FMO5: variants seen among roughly 807,000 people sequenced by gnomAD.
FMO5 encodes flavin containing dimethylaniline monoxygenase 5.
A neutral mutation model predicts 43.6 loss-of-function variants in FMO5; 51 were observed. That is an observed-to-expected ratio of 1.17 (90% CI 0.93 to 1.48). The LOEUF is 1.48. FMO5 is among the 40% of genes most tolerant of loss of function. The pLI is 0.00. For synonymous variants in FMO5, 187 were observed against 216.5 expected (o/e 0.86, Z 1.20); for missense variants, 644 against 643.0 (o/e 1.00, Z -0.02).
intron 2 of FMO5, among the ~76,000 whole-genome samples, chr1:147,216,543 A>G (rs1272218863): frequency 6.6e-5 from 10 of 152,208 alleles, no homozygotes; most frequent in Non-Finnish European, 1.3e-4. Flanking sequence ...TAAAATGTAT[A>G]TGAAACTCCT....
intron 2 of FMO5, among the ~76,000 whole-genome samples, chr1:147,222,646 G>GGTCT (rs1259037874): frequency 6.6e-6 from 1 of 152,134 alleles, no homozygotes; most frequent in Non-Finnish European, 1.5e-5. Context: ...ACACAGGTGT[G>GGTCT]GTCTGTTGGA....
rs782062767 is a variant in FMO5, at chr1:147,209,057, G to A, written c.631-6C>T. 1 of 1,611,088 alleles carries A rather than the reference G, an allele frequency of 6.2e-7. No individual in the cohort carries two copies. Among genetic ancestry groups the A allele is most frequent in the East Asian group, 2.2e-5 (1 of 44,834 alleles). On this transcript the variant is annotated splice_region_variant and splice_polypyrimidine_tract_variant and intron_variant, in intron 5 of 8. Coordinates refer to ENST00000254090, the MANE Select transcript of FMO5 (RefSeq NM_001461.4). ...CTCCTGGTGCTGAGGAAAACCTGGGGCATGGAAGAAATTGTTTGCTTTTGT... is the reference window on the plus strand; with the variant it reads ...CTCCTGGTGCTGAGGAAAACCTGGGACATGGAAGAAATTGTTTGCTTTTGT...
intron 6 of FMO5, chr1:147,204,932 T>C (rs1285633367): frequency 6.4e-7 from 1 of 1,553,602 alleles, no homozygotes; most frequent in Non-Finnish European, 8.9e-7. Context: ...TGAAGCGCCA[T>C]GGCCAGCCTG....
chr1:147,202,952 T>C (rs587766944), intron 6 of FMO5, among the ~76,000 whole-genome samples: 1 of 152,302 alleles, frequency 6.6e-6, no homozygotes, highest in South Asian at 2.1e-4. Flanking sequence ...AACCAGATGA[T>C]ACAATTGTCT....
At chr1:147,192,069 C>T (rs1415887680) in intron 7 of FMO5, among the ~76,000 whole-genome samples, 26 of 152,066 alleles carry the variant, frequency 1.7e-4, no homozygotes, top group Admixed American at 2.6e-4. Context: ...TCACTTGATG[C>T]GGATGGCATT....
intron 2 of FMO5, among the ~76,000 whole-genome samples, chr1:147,224,535 A>T (rs911200982): frequency 2.6e-5 from 4 of 151,964 alleles, no homozygotes; most frequent in African/African-American, 9.7e-5. Context: ...CTTGAGACGG[A>T]GTCTTGCTCT....
chr1:147,202,834 T>C (rs931290218), intron 6 of FMO5, among the ~76,000 whole-genome samples: 4 of 152,152 alleles, frequency 2.6e-5, no homozygotes, highest in African/African-American at 9.7e-5. Flanking sequence ...CATCCATCCA[T>C]ATAGTTGCCC....
Position 147,212,542 on chromosome 1 carries a change from G to A in FMO5, c.488-7C>T. ...CCTTTGAACTTCTCAATTCCTGCAA[G>A]AGAAGGGAAAATAATTATTGGGTAA... On this transcript the variant is annotated splice_region_variant and splice_polypyrimidine_tract_variant and intron_variant, in intron 4 of 8. Transcript: ENST00000254090. 1.9e-6 allele frequency: 3 copies of A among 1,609,258 alleles called. No homozygotes were observed. Among genetic ancestry groups the A allele is most frequent in the Non-Finnish European group, 2.5e-6 (3 of 1,178,186 alleles).
At chr1:147,193,307 A>G (rs1186477295) in intron 7 of FMO5, among the ~76,000 whole-genome samples, 2 of 152,098 alleles carry the variant, frequency 1.3e-5, no homozygotes, top group African/African-American at 2.4e-5. Flanking sequence ...AGAGGTGTTT[A>G]TAGTATTCTC....
At chr1:147,220,808 C>T (rs1238586810) in intron 2 of FMO5, among the ~76,000 whole-genome samples, 1 of 151,722 alleles carries the variant, frequency 6.6e-6, no homozygotes, top group African/African-American at 2.4e-5. Flanking sequence ...TCATATGTAC[C>T]CCCGAACCTA....
intron 7 of FMO5, among the ~76,000 whole-genome samples, chr1:147,200,557 T>G (rs1366600501): frequency 6.6e-6 from 1 of 151,246 alleles, no homozygotes; most frequent in Non-Finnish European, 1.5e-5. Flanking sequence ...CTTTGGAAGC[T>G]ATATCATTCT....
chr1:147,220,551 T>C (rs587639905), intron 2 of FMO5, among the ~76,000 whole-genome samples: 1 of 152,242 alleles, frequency 6.6e-6, no homozygotes, highest in South Asian at 2.1e-4. Flanking sequence ...AGTATGGCAA[T>C]GGAGAAAAAA....
At chr1:147,209,662 T>C (rs1660781256) in intron 5 of FMO5, 1 of 152,396 alleles carries the variant, frequency 6.6e-6, no homozygotes, top group Non-Finnish European at 1.5e-5. Context: ...TCCTCTTAAC[T>C]CTGCGAAGCC....
intron 5 of FMO5, among the ~76,000 whole-genome samples, chr1:147,211,822 A>G (rs889256567): frequency 2.6e-5 from 4 of 152,242 alleles, no homozygotes; most frequent in Non-Finnish European, 4.4e-5. Context: ...ACCTAACTGT[A>G]TGCAAAGGCC....
chr1:147,225,697 G>A (rs1663920283), upstream of FMO5: 7 of 152,532 alleles, frequency 4.6e-5, no homozygotes, highest in Admixed American at 2.0e-4. Flanking sequence ...CCCAAAGCCA[G>A]TTCTACTCCA....
downstream of FMO5, among the ~76,000 whole-genome samples, chr1:147,185,136 T>TCTTA (rs28381229): frequency 0.037 from 5,578 of 151,808 alleles, 146 homozygotes; most frequent in South Asian, 0.096. Context: ...CTTGTTCACA[T>TCTTA]CTTTTAGCTT....
chr1:147,222,251 T>G (rs1467665260), intron 2 of FMO5, among the ~76,000 whole-genome samples: 2 of 152,094 alleles, frequency 1.3e-5, no homozygotes, highest in Non-Finnish European at 2.9e-5. Flanking sequence ...GTGTATAATT[T>G]CAGCTACTTG....
chr1:147,203,172 C>A, intron 6 of FMO5: 11 of 526,300 alleles, frequency 2.1e-5, no homozygotes, highest in South Asian at 1.2e-4. Flanking sequence ...AGAATACAAA[C>A]ACAAAATACC....
chr1:147,223,180 T>C (rs1553926680), intron 2 of FMO5, among the ~76,000 whole-genome samples: 1 of 152,220 alleles, frequency 6.6e-6, no homozygotes, highest in Admixed American at 6.5e-5. Context: ...GACTGCATTC[T>C]TAACCTCCAT....
Sources: gnomAD v4.1 joint callset for allele counts (sites outside exome capture counted in the v4.1 genomes callset) on GRCh38, gnomAD v4.1.1 for gene constraint, MANE v1.5 for transcripts, NCBI Gene and HGNC (gene_info 2026-07-23, HGNC 2026-07-21) for gene names.